EXOC6B: variants seen among roughly 807,000 people sequenced by gnomAD.
EXOC6B encodes SEC15 homolog B.
In EXOC6B, 54 loss-of-function variants were observed where a neutral mutation model predicts 113.5. That is an observed-to-expected ratio of 0.48 (90% confidence interval 0.38 to 0.60). The LOEUF is 0.60. EXOC6B is among the 20% of genes least tolerant of loss of function. The probability of loss-of-function intolerance (pLI) is 0.00; values close to 1 mark genes in which losing one functional copy is unlikely to be tolerated. For synonymous variants in EXOC6B, 357 were observed against 339.0 expected (o/e 1.05, Z -0.58); for missense variants, 797 against 977.5 (o/e 0.82, Z 2.46).
intron 7 of EXOC6B, 82 bp from the exon 8 acceptor site, chr2:72,559,603 G>C: frequency 8.5e-7 from 1 of 1,170,980 alleles, no homozygotes; most frequent in Non-Finnish European, 1.2e-6. Flanking sequence ...TCAAGTGTTT[G>C]GTTCTTTTTA....
At chr2:72,822,467 T>C (rs1686638149) in intron 1 of EXOC6B, among the ~76,000 whole-genome samples, 2 of 152,144 alleles carry the variant, frequency 1.3e-5, no homozygotes, top group Admixed American at 1.3e-4. Context: ...CAACATTGCA[T>C]GTACAGCTCA....
At chr2:72,389,536 T>G (rs1480731707) in intron 18 of EXOC6B, among the ~76,000 whole-genome samples, 2 of 152,114 alleles carry the variant, frequency 1.3e-5, no homozygotes, top group African/African-American at 4.8e-5. Flanking sequence ...TTTTATATTA[T>G]TTCTGAAAAA....
chr2:72,302,370 T>C (rs1403602014), intron 20 of EXOC6B, among the ~76,000 whole-genome samples: 1 of 152,208 alleles, frequency 6.6e-6, no homozygotes. Context: ...TGGTCTAATG[T>C]TGAGTTCAGG....
chr2:72,566,815 C>T (rs902355030), intron 7 of EXOC6B, among the ~76,000 whole-genome samples: 1 of 151,828 alleles, frequency 6.6e-6, no homozygotes, highest in Non-Finnish European at 1.5e-5. Flanking sequence ...ATGGTACATC[C>T]AAACAATGGA....
rs138735306 is a variant in EXOC6B at position 72,487,706 on chromosome 2, T to C, written c.1665+4612A>G. Among the ~76,000 whole-genome samples, 168 of 152,354 alleles carry C rather than the reference T, an allele frequency of 1.1e-3. 1 individual carries two copies. The highest frequency in any genetic ancestry group is 3.9e-3 in the African/African-American group (163 of 41,580). On this transcript the variant is annotated intron_variant, in intron 16 of 21. Coordinates refer to ENST00000272427, the MANE Select transcript of EXOC6B (RefSeq NM_015189.3). The stretch of plus-strand genomic sequence containing the variant: ...TACTGGTCAACTATGTTATAGCATG[T>C]CTTTCAATTTTTGTTTGTTTAATGT...
chr2:72,288,488 T>C (rs1413149115), intron 20 of EXOC6B, among the ~76,000 whole-genome samples: 1 of 152,160 alleles, frequency 6.6e-6, no homozygotes, highest in Non-Finnish European at 1.5e-5. Context: ...TAACAAAGTA[T>C]GTCATAGTCA....
At chr2:72,443,320 CA>C (rs61290907) in intron 18 of EXOC6B, among the ~76,000 whole-genome samples, 23,928 of 92,606 alleles carry the variant, frequency 0.26, 3,872 homozygotes, top group African/African-American at 0.52. Flanking sequence ...GAGATTCTGT[CA>C]AAAAAAAAAA....
intron 6 of EXOC6B, among the ~76,000 whole-genome samples, chr2:72,623,344 T>C (rs528182026): frequency 4.6e-5 from 7 of 152,252 alleles, no homozygotes; most frequent in African/African-American, 1.7e-4. Context: ...AAAATCAGAA[T>C]TGACACTTGT....
chr2:72,177,872 C>T lies in EXOC6B; in HGVS notation c.*1463G>A, dbSNP rs1370777226. The stretch of plus-strand genomic sequence containing the variant: ...TTGTTTGGTGATGCACAATTATACT[C>T]TTGCCACTAGCCATCTTTCTGCTAC... On this transcript the variant is annotated 3_prime_UTR_variant, in exon 22 of 22. Coordinates refer to ENST00000272427, the MANE Select transcript of EXOC6B (RefSeq NM_015189.3). The T allele has an allele frequency of 6.6e-6, 1 of 152,206 alleles. No individual in the cohort carries two copies. Among genetic ancestry groups the T allele is most frequent in the Middle Eastern group, 3.2e-3 (1 of 316 alleles). The allele number at this position is 152,206 out of a possible 1,614,324, so 9.4% of individuals were successfully genotyped here.
At chr2:72,603,786 A>C (rs1184711366) in intron 6 of EXOC6B, among the ~76,000 whole-genome samples, 1 of 152,162 alleles carries the variant, frequency 6.6e-6, no homozygotes, top group Non-Finnish European at 1.5e-5. Flanking sequence ...CTGGAGGTTG[A>C]GCCAGTCAGC....
At chr2:72,308,713 G>A (rs568126547) in intron 20 of EXOC6B, among the ~76,000 whole-genome samples, 1 of 152,068 alleles carries the variant, frequency 6.6e-6, no homozygotes, top group African/African-American at 2.4e-5. Flanking sequence ...GTTTGTTCAA[G>A]GCTAATAGCA....
At chr2:72,361,819 G>C (rs1195925336) in intron 19 of EXOC6B, among the ~76,000 whole-genome samples, 1 of 152,108 alleles carries the variant, frequency 6.6e-6, no homozygotes, top group African/African-American at 2.4e-5. Context: ...TATATACAAA[G>C]AGATGGAAAC....
chr2:72,487,729 T>C (rs555876972), intron 16 of EXOC6B, among the ~76,000 whole-genome samples: 1 of 152,330 alleles, frequency 6.6e-6, no homozygotes, highest in East Asian at 1.9e-4. Context: ...GTTTGTTTAA[T>C]GTTTTCCCAT....
At chr2:72,491,283 A>G (rs1255543728) in intron 16 of EXOC6B, among the ~76,000 whole-genome samples, 1 of 152,134 alleles carries the variant, frequency 6.6e-6, no homozygotes, top group African/African-American at 2.4e-5. Flanking sequence ...CCAATGTCCC[A>G]TCTTATTTTT....
intron 20 of EXOC6B, among the ~76,000 whole-genome samples, chr2:72,299,930 A>G (rs1450324909): frequency 6.6e-6 from 1 of 152,064 alleles, no homozygotes; most frequent in African/African-American, 2.4e-5. Context: ...CCAGAGCTCT[A>G]GAGCGCTCCT....
At chr2:72,402,213 T>C (rs1429997086) in intron 18 of EXOC6B, among the ~76,000 whole-genome samples, 1 of 152,160 alleles carries the variant, frequency 6.6e-6, no homozygotes, top group Non-Finnish European at 1.5e-5. Context: ...GTATTTATTC[T>C]TGAGTCAGTT....
intron 1 of EXOC6B, among the ~76,000 whole-genome samples, chr2:72,769,411 A>G (rs1366640824): frequency 5.3e-5 from 8 of 152,248 alleles, no homozygotes; most frequent in Non-Finnish European, 1.0e-4. Context: ...TAAATGAAAA[A>G]GTGTTACATA....
At chr2:72,349,822 CT>C (rs1689543806) in intron 19 of EXOC6B, among the ~76,000 whole-genome samples, 1 of 152,100 alleles carries the variant, frequency 6.6e-6, no homozygotes, top group African/African-American at 2.4e-5. Flanking sequence ...GAGCCTTAGT[CT>C]GTGGTTGGCT....
At chr2:72,283,442 G>A (rs1325663252) in intron 20 of EXOC6B, among the ~76,000 whole-genome samples, 1 of 152,174 alleles carries the variant, frequency 6.6e-6, no homozygotes, top group Non-Finnish European at 1.5e-5. Flanking sequence ...CATACTGGAA[G>A]CAGAAACCTC....
Sources: gnomAD v4.1 joint callset for allele counts (sites outside exome capture counted in the v4.1 genomes callset) on GRCh38, gnomAD v4.1.1 for gene constraint, MANE v1.5 for transcripts, NCBI Gene and HGNC (gene_info 2026-07-23, HGNC 2026-07-21) for gene names.